SEPTIN10: variants seen among roughly 807,000 people sequenced by gnomAD.
The protein encoded by SEPTIN10 is septin-10.
In SEPTIN10, 66 loss-of-function variants were observed where a neutral mutation model predicts 54.8. That is an observed-to-expected ratio of 1.21 (90% CI 0.99 to 1.48). SEPTIN10 has a LOEUF of 1.48. Among genes scored for constraint, SEPTIN10 ranks in the 40% most tolerant of loss-of-function variants. The pLI is 0.00. For synonymous variants in SEPTIN10, 161 were observed against 181.0 expected (o/e 0.89, Z 0.89); for missense variants, 620 against 545.6 (o/e 1.14, Z -1.36).
At chr2:109,566,559 G>A (rs1208178594) in intron 6 of SEPTIN10, among the ~76,000 whole-genome samples, 1 of 152,180 alleles carries the variant, frequency 6.6e-6, no homozygotes, top group African/African-American at 2.4e-5. Flanking sequence ...TTGTTTGTGT[G>A]TGTGTGTACA....
chr2:109,611,958 A>AC (rs1460844434), intron 1 of SEPTIN10, among the ~76,000 whole-genome samples: 2 of 152,126 alleles, frequency 1.3e-5, no homozygotes, highest in Non-Finnish European at 1.5e-5. Flanking sequence ...CTACCATATG[A>AC]CCCAACAATT....
At chr2:109,547,022 G>A (rs1244832175) in intron 9 of SEPTIN10, among the ~76,000 whole-genome samples, 2 of 152,158 alleles carry the variant, frequency 1.3e-5, no homozygotes, top group African/African-American at 4.8e-5. Flanking sequence ...CTAAAGGCAG[G>A]ATACAGATGT....
chr2:109,607,599 G>A (rs1354349916), intron 1 of SEPTIN10, among the ~76,000 whole-genome samples: 1 of 151,908 alleles, frequency 6.6e-6, no homozygotes, highest in African/African-American at 2.4e-5. Context: ...AATTACCTGG[G>A]CTAATTTAAT....
intron 4 of SEPTIN10, among the ~76,000 whole-genome samples, chr2:109,582,412 C>T: frequency 6.6e-6 from 1 of 152,136 alleles, no homozygotes; most frequent in Non-Finnish European, 1.5e-5. Flanking sequence ...TTCGACTTCC[C>T]AGGCTCAAGT....
intron 4 of SEPTIN10, among the ~76,000 whole-genome samples, chr2:109,576,202 A>G (rs1481159768): frequency 6.6e-6 from 1 of 152,192 alleles, no homozygotes; most frequent in Non-Finnish European, 1.5e-5. Flanking sequence ...TCAAAGCTGC[A>G]GTGAGCTGTG....
chr2:109,613,246 A>T (rs1196240483), intron 1 of SEPTIN10: 2 of 1,200,242 alleles, frequency 1.7e-6, no homozygotes, highest in Non-Finnish European at 2.2e-6. Flanking sequence ...GGTTCAAAAC[A>T]GTGAACAAAC....
chr2:109,563,678 A>T (rs1686224621), intron 8 of SEPTIN10, among the ~76,000 whole-genome samples: 1 of 152,228 alleles, frequency 6.6e-6, no homozygotes, highest in Non-Finnish European at 1.5e-5. Flanking sequence ...AAATTCTTAT[A>T]ACTACACTGT....
intron 1 of SEPTIN10, among the ~76,000 whole-genome samples, chr2:109,603,173 T>C (rs922554420): frequency 6.6e-6 from 1 of 152,130 alleles, no homozygotes; most frequent in African/African-American, 2.4e-5. Context: ...GTGAAGTCTA[T>C]CAATGCTTAT....
Position 109,613,922 on chromosome 2 carries a change from A to C in SEPTIN10, c.-95T>G. The C allele has an allele frequency of 8.2e-7, 1 of 1,222,934 alleles. No homozygotes were observed. Among genetic ancestry groups the C allele is most frequent in the Non-Finnish European group, 1.0e-6 (1 of 982,160 alleles). 75.8% of individuals were successfully genotyped at this position (1,222,934 alleles called of 1,614,324 possible). ...GGCGGGAAGGCCGGAGGGCAGAAGC[A>C]ACGGGCGGGGCGCGAGGCTAGGCTG... On this transcript the variant is annotated 5_prime_UTR_variant, in exon 1 of 11. Coordinates refer to ENST00000397712, the MANE Select transcript of SEPTIN10 (RefSeq NM_144710.5).
At chr2:109,589,452 A>T (rs1693433666) in intron 2 of SEPTIN10, among the ~76,000 whole-genome samples, 1 of 152,102 alleles carries the variant, frequency 6.6e-6, no homozygotes, top group African/African-American at 2.4e-5. Context: ...GAACCGCTTG[A>T]ACCTGAGGCG....
At chr2:109,610,433 G>A (rs1210013305) in intron 1 of SEPTIN10, among the ~76,000 whole-genome samples, 2 of 152,128 alleles carry the variant, frequency 1.3e-5, no homozygotes, top group Non-Finnish European at 2.9e-5. Flanking sequence ...AAAAGGTCTG[G>A]GCCGGGCATG....
intron 2 of SEPTIN10, among the ~76,000 whole-genome samples, chr2:109,590,338 GATTT>G (rs1158186430): frequency 6.6e-6 from 1 of 152,022 alleles, no homozygotes; most frequent in Non-Finnish European, 1.5e-5. Flanking sequence ...TCTGAGAAGA[GATTT>G]TACAGAGTGA....
At position 109,546,064 on chromosome 2, in the gene SEPTIN10, G is replaced by C; in HGVS notation, c.1335C>G (p.Asp445Glu). 2 of 1,589,584 alleles carry C rather than the reference G, an allele frequency of 1.3e-6. No homozygotes were observed. The highest frequency in any genetic ancestry group is 1.7e-6 in the Non-Finnish European group (2 of 1,170,326). ...GGGCCTCTTACTTCTTACGGTCCTT[G>C]TCCTTCCTCAGGTTGCTGCCTGTTG... is the stretch of plus-strand genomic sequence containing the variant. ...FLATGSNLRK[D>E]KDRKNSNFL Residue 445 changes from aspartate (D) to glutamate (E), a missense_variant, in exon 10 of 11, where the codon GAC becomes GAG. By Grantham distance (45) the Asp-to-Glu change is conservative. Coordinates refer to ENST00000397712, the MANE Select transcript of SEPTIN10 (RefSeq NM_144710.5).
At chr2:109,577,287 C>T (rs1278109990) in intron 4 of SEPTIN10, among the ~76,000 whole-genome samples, 1 of 152,070 alleles carries the variant, frequency 6.6e-6, no homozygotes, top group African/African-American at 2.4e-5. Flanking sequence ...TATAATAATA[C>T]CTCGTGTAGT....
At chr2:109,553,255 G>A in intron 8 of SEPTIN10, 36 bp from the exon 9 acceptor site, 1 of 1,609,750 alleles carries the variant, frequency 6.2e-7, no homozygotes, top group Non-Finnish European at 8.5e-7. Context: ...CTGCTAAAAA[G>A]TGATATAGGT....
chr2:109,578,554 G>A (rs947349946), intron 4 of SEPTIN10, among the ~76,000 whole-genome samples: 5 of 152,022 alleles, frequency 3.3e-5, no homozygotes, highest in Admixed American at 6.5e-5. Context: ...ATCACCTGAG[G>A]TCAGGAGTTC....
intron 7 of SEPTIN10, among the ~76,000 whole-genome samples, 189 bp from the exon 8 acceptor site, chr2:109,564,723 A>G (rs1686552957): frequency 6.6e-6 from 1 of 152,244 alleles, no homozygotes; most frequent in African/African-American, 2.4e-5. Flanking sequence ...TAAATACTGT[A>G]TCATAGGCAA....
intron 9 of SEPTIN10, among the ~76,000 whole-genome samples, chr2:109,546,767 C>T (rs1444755393): frequency 6.6e-6 from 1 of 151,796 alleles, no homozygotes; most frequent in Admixed American, 6.6e-5. Context: ...CTTTCAATGT[C>T]CTGAGATCTA....
At chr2:109,573,339 C>T (rs917110719) in intron 5 of SEPTIN10, among the ~76,000 whole-genome samples, 3 of 152,162 alleles carry the variant, frequency 2.0e-5, no homozygotes, top group African/African-American at 7.2e-5. Context: ...CCTCATGTTG[C>T]TCCTCTCTAG....
Sources: gnomAD v4.1 joint callset for allele counts (sites outside exome capture counted in the v4.1 genomes callset) on GRCh38, gnomAD v4.1.1 for gene constraint, MANE v1.5 for transcripts, NCBI Gene and HGNC (gene_info 2026-07-23, HGNC 2026-07-21) for gene names.